BBX: variants seen among roughly 807,000 people sequenced by gnomAD.
The protein encoded by BBX is BBX high mobility group box domain containing, also known as HMG box transcription factor BBX.
In BBX, 30 loss-of-function variants were observed where a neutral mutation model predicts 100.2. The observed-to-expected ratio is 0.30, with a 90% confidence interval of 0.22 to 0.41. The LOEUF (loss-of-function observed/expected upper bound fraction) is 0.41. Among genes scored for constraint, BBX ranks in the 10% least tolerant of loss-of-function variants. The pLI, the probability that BBX is intolerant of heterozygous loss-of-function variation, is 1.00. For synonymous variants in BBX, 376 were observed against 388.1 expected (o/e 0.97, Z 0.37); for missense variants, 1,023 against 1,129.8 (o/e 0.91, Z 1.35).
intron 2 of BBX, among the ~76,000 whole-genome samples, chr3:107,547,546 GGTTTT>G (rs1365730892): frequency 6.6e-6 from 1 of 151,858 alleles, no homozygotes; most frequent in Non-Finnish European, 1.5e-5. Context: ...TATCCCAGTT[GGTTTT>G]CTTTTCGTTT....
chr3:107,601,818 G>A (rs1489507317), intron 2 of BBX, among the ~76,000 whole-genome samples: 1 of 152,230 alleles, frequency 6.6e-6, no homozygotes, highest in Non-Finnish European at 1.5e-5. Flanking sequence ...TTTCAATGTG[G>A]ACAAAATAGC....
intron 2 of BBX, among the ~76,000 whole-genome samples, chr3:107,604,242 C>T (rs1468635311): frequency 6.6e-6 from 1 of 152,128 alleles, no homozygotes; most frequent in Non-Finnish European, 1.5e-5. Flanking sequence ...GCTATAGCAG[C>T]CTGTTCCGTT....
chr3:107,678,223 A>G (rs2059385568), intron 3 of BBX, among the ~76,000 whole-genome samples: 1 of 151,838 alleles, frequency 6.6e-6, no homozygotes, highest in African/African-American at 2.4e-5. Context: ...CCTGCTGTTT[A>G]TATTTTGCCC....
chr3:107,708,719 AT>A (rs1349657763), intron 3 of BBX, among the ~76,000 whole-genome samples: 1 of 151,974 alleles, frequency 6.6e-6, no homozygotes, highest in Non-Finnish European at 1.5e-5. Flanking sequence ...AAAAATGAAG[AT>A]TTTTTTAGAA....
intron 2 of BBX, among the ~76,000 whole-genome samples, chr3:107,582,353 C>T (rs1364224115): frequency 1.3e-5 from 2 of 150,638 alleles, no homozygotes; most frequent in Admixed American, 6.6e-5. Flanking sequence ...AGTATCCATA[C>T]AATATTTACA....
At chr3:107,676,544 C>A (rs2059290893) in intron 3 of BBX, among the ~76,000 whole-genome samples, 3 of 152,052 alleles carry the variant, frequency 2.0e-5, no homozygotes, top group Non-Finnish European at 4.4e-5. Flanking sequence ...TAATTACTGT[C>A]CTGATATAAT....
At chr3:107,600,458 G>T (rs189099293) in intron 2 of BBX, among the ~76,000 whole-genome samples, 2 of 152,260 alleles carry the variant, frequency 1.3e-5, no homozygotes, top group Non-Finnish European at 2.9e-5. Flanking sequence ...GAAGATACTG[G>T]AGAACATTTG....
intron 2 of BBX, among the ~76,000 whole-genome samples, chr3:107,546,754 T>G (rs2107396417): frequency 6.6e-6 from 1 of 152,338 alleles, no homozygotes; most frequent in Admixed American, 6.5e-5. Context: ...TGATCATGAT[T>G]TGGGACCTGA....
intron 2 of BBX, among the ~76,000 whole-genome samples, chr3:107,573,195 C>T (rs1234235909): frequency 1.3e-5 from 2 of 152,062 alleles, no homozygotes; most frequent in South Asian, 2.1e-4. Flanking sequence ...AAGCATTCTC[C>T]GTGAAGATTT....
chr3:107,654,671 ATGTTTTTGTTTTGTTT>A (rs749981303), intron 3 of BBX, among the ~76,000 whole-genome samples: 7 of 152,076 alleles, frequency 4.6e-5, no homozygotes, highest in Non-Finnish European at 1.0e-4. Flanking sequence ...CTTAAAAAAT[ATGTTTTTGTTTTGTTT>A]TGTTTTTGTT....
chr3:107,723,868 C>T (rs923648462), intron 5 of BBX, among the ~76,000 whole-genome samples: 21 of 152,126 alleles, frequency 1.4e-4, no homozygotes, highest in African/African-American at 5.1e-4. Context: ...CCGCAATAAA[C>T]ATATGTGTGC....
intron 2 of BBX, among the ~76,000 whole-genome samples, chr3:107,605,395 G>T (rs1335398809): frequency 6.6e-5 from 10 of 151,244 alleles, no homozygotes; most frequent in East Asian, 1.9e-4. Flanking sequence ...TTGGGGGGGG[G>T]ATTTAATATT....
intron 13 of BBX, among the ~76,000 whole-genome samples, chr3:107,788,327 G>A (rs1214172690): frequency 6.6e-6 from 1 of 152,096 alleles, no homozygotes; most frequent in African/African-American, 2.4e-5. Flanking sequence ...AATGAAGGAG[G>A]CATTCAAGGC....
Position 107,778,411 on chromosome 3 carries a change from A to G in BBX, c.2095A>G (p.Ser699Gly), listed in dbSNP as rs748073990. Residue 699 changes from serine (S) to glycine (G), a missense_variant, in exon 13 of 18, where the codon AGC (serine) becomes GGC (glycine). By Grantham distance (56) the Ser-to-Gly change is moderately conservative (BLOSUM62 0). Transcript: ENST00000325805. ...TGAAGAATTTGAAAAAAAATTCAAC[A>G]GCCTCCCTCAATATAGTCCTGTTAC... ...LDEEFEKKFN[S>G]LPQYSPVTFD... 2 of 1,613,080 alleles carry G rather than the reference A, an allele frequency of 1.2e-6. No homozygotes were observed. Among genetic ancestry groups the G allele is most frequent in the Non-Finnish European group, 1.7e-6 (2 of 1,179,202 alleles).
At chr3:107,660,770 G>A (rs556805511) in intron 3 of BBX, among the ~76,000 whole-genome samples, 110 of 152,264 alleles carry the variant, frequency 7.2e-4, no homozygotes, top group African/African-American at 2.5e-3. Context: ...AAAAAGGCAT[G>A]ATTATTTAGA....
intron 2 of BBX, among the ~76,000 whole-genome samples, chr3:107,532,564 G>A (rs1490442009): frequency 6.6e-6 from 1 of 152,120 alleles, no homozygotes; most frequent in Non-Finnish European, 1.5e-5. Flanking sequence ...TGAAAAGAGG[G>A]GCAAGCTAAG....
At chr3:107,579,605 G>T (rs763354904) in intron 2 of BBX, among the ~76,000 whole-genome samples, 1 of 152,200 alleles carries the variant, frequency 6.6e-6, no homozygotes, top group Non-Finnish European at 1.5e-5. Flanking sequence ...GTTGATGGAT[G>T]CTTTGCAGTC....
At chr3:107,532,041 A>G (rs1196949603) in intron 2 of BBX, among the ~76,000 whole-genome samples, 1 of 151,974 alleles carries the variant, frequency 6.6e-6, no homozygotes, top group Non-Finnish European at 1.5e-5. Context: ...AAAAATAAAA[A>G]CAAATTAGCT....
In BBX at chr3:107,642,048, G is replaced by T. The variant is rs144006994; in HGVS notation, c.-83-3788G>T. On this transcript the variant is annotated intron_variant, in intron 2 of 17. Transcript: ENST00000325805. Reference sequence around the variant, plus strand: ...TCAGTTTATCATTTCTAGGCCTTTAGCCTGTAGTGGACAACAGTGACCTGA... The same window carrying T: ...TCAGTTTATCATTTCTAGGCCTTTATCCTGTAGTGGACAACAGTGACCTGA... Among the ~76,000 whole-genome samples, 291 of 152,220 alleles carry T rather than the reference G, an allele frequency of 1.9e-3. 1 individual carries two copies. The highest frequency in any genetic ancestry group is 5.6e-3 in the South Asian group (27 of 4,824).
Sources: allele counts gnomAD v4.1 joint callset (sites outside exome capture counted in the v4.1 genomes callset), GRCh38; gene constraint gnomAD v4.1.1; transcripts MANE v1.5; gene names NCBI Gene and HGNC (gene_info 2026-07-23, HGNC 2026-07-21).